LPAR1: variants seen among roughly 807,000 people sequenced by gnomAD.
The protein encoded by LPAR1 is lysophosphatidic acid receptor 1.
Under a neutral mutation model 23.8 loss-of-function variants are expected in LPAR1, and 5 were observed. The observed-to-expected ratio is 0.21, with a 90% confidence interval of 0.11 to 0.44. The LOEUF is 0.44. Ranked by LOEUF, LPAR1 falls within the 20% of genes least tolerant of loss-of-function variation. The pLI is 0.99. For synonymous variants in LPAR1, 160 were observed against 164.7 expected (o/e 0.97, Z 0.22); for missense variants, 311 against 482.8 (o/e 0.64, Z 3.33).
chr9:111,029,977 C>T (rs1026832545), intron 2 of LPAR1, among the ~76,000 whole-genome samples: 6 of 148,668 alleles, frequency 4.0e-5, no homozygotes, highest in Admixed American at 6.9e-5. Flanking sequence ...ATTGCTTGAA[C>T]CCAGGAGGCA....
chr9:110,875,236 A>G lies in LPAR1; in HGVS notation c.*185T>C. On this transcript the variant is annotated 3_prime_UTR_variant, in exon 6 of 6. Transcript: ENST00000683809. ...GGGATCAAGATGAGGGTTGTCACAT[A>G]AGCTAATTTTCAATATATATCAAGT... The G allele has an allele frequency of 5.7e-6, 3 of 522,658 alleles. No homozygotes were observed. Among genetic ancestry groups the G allele is most frequent in the Non-Finnish European group, 1.0e-5 (3 of 298,530 alleles). 32.4% of individuals were successfully genotyped at this position (522,658 alleles called of 1,614,324 possible).
intron 4 of LPAR1, among the ~76,000 whole-genome samples, chr9:110,951,903 A>G (rs1414149236): frequency 6.6e-6 from 1 of 152,178 alleles, no homozygotes; most frequent in Non-Finnish European, 1.5e-5. Context: ...AAAGATATAA[A>G]GCAGTTAAAA....
intron 2 of LPAR1, among the ~76,000 whole-genome samples, chr9:111,017,173 G>GTAT (rs1260522065): frequency 1.3e-5 from 2 of 152,042 alleles, no homozygotes; most frequent in Non-Finnish European, 2.9e-5. Context: ...TCTAATACAT[G>GTAT]AATAGCACCC....
chr9:111,038,792 G>T, upstream of LPAR1: 1 of 314,960 alleles, frequency 3.2e-6, no homozygotes, highest in South Asian at 2.2e-5. This position sits in a 1 kb window ranked among gnomAD's most constrained non-coding sequence, Gnocchi z 4.4. Flanking sequence ...CCCCCGCCCC[G>T]CCCCCGAGTC....
intron 2 of LPAR1, among the ~76,000 whole-genome samples, chr9:110,991,900 C>A (rs1564276713): frequency 6.6e-6 from 1 of 152,028 alleles, no homozygotes; most frequent in South Asian, 2.1e-4. Flanking sequence ...GCCAACAGAA[C>A]CTTTCTGAAA....
At chr9:110,986,644 AAGGGAAGAAAATT>A (rs1322774032) in intron 2 of LPAR1, among the ~76,000 whole-genome samples, 2 of 151,740 alleles carry the variant, frequency 1.3e-5, no homozygotes, top group Admixed American at 6.6e-5. Flanking sequence ...ATATGAAGTG[AAGGGAAGAAAATT>A]AGGGAAGAAA....
chr9:110,895,974 A>G (rs1441941347), intron 5 of LPAR1, among the ~76,000 whole-genome samples: 2 of 152,154 alleles, frequency 1.3e-5, no homozygotes, highest in Non-Finnish European at 2.9e-5. Flanking sequence ...TTCATTTCTT[A>G]GTCAAAAATC....
intron 2 of LPAR1, among the ~76,000 whole-genome samples, chr9:110,983,844 C>G (rs1366904234): frequency 6.6e-6 from 1 of 151,812 alleles, no homozygotes; most frequent in East Asian, 1.9e-4. Context: ...CTCACCCCAA[C>G]AAATAAGATG....
intron 4 of LPAR1, among the ~76,000 whole-genome samples, chr9:110,942,684 A>G (rs1004829080): frequency 2.6e-5 from 4 of 152,158 alleles, no homozygotes; most frequent in African/African-American, 9.7e-5. Context: ...CATTCCAAAC[A>G]TTTCAAACAA....
intron 5 of LPAR1, among the ~76,000 whole-genome samples, chr9:110,919,303 C>T (rs1270454694): frequency 6.6e-6 from 1 of 151,980 alleles, no homozygotes; most frequent in African/African-American, 2.4e-5. Context: ...ATGAATTCTA[C>T]AGTCACAAGG....
intron 4 of LPAR1, among the ~76,000 whole-genome samples, chr9:110,966,941 CAGTG>C (rs1294619440): frequency 3.3e-5 from 5 of 152,162 alleles, no homozygotes; most frequent in African/African-American, 1.2e-4. Flanking sequence ...ATGCTTAACA[CAGTG>C]CTAGAAACAG....
chr9:110,902,470 T>C (rs2089586878), intron 5 of LPAR1, among the ~76,000 whole-genome samples: 1 of 152,172 alleles, frequency 6.6e-6, no homozygotes, highest in Admixed American at 6.5e-5. Flanking sequence ...TCCTGCTGCC[T>C]TGTGAAGAAG....
At chr9:111,023,927 G>C (rs2097622852) in intron 2 of LPAR1, among the ~76,000 whole-genome samples, 1 of 152,112 alleles carries the variant, frequency 6.6e-6, no homozygotes, top group Non-Finnish European at 1.5e-5. Context: ...GAAAGCCACT[G>C]AACTAAATGT....
At chr9:111,004,505 T>C (rs759347231) in intron 2 of LPAR1, among the ~76,000 whole-genome samples, 29 of 152,288 alleles carry the variant, frequency 1.9e-4, no homozygotes, top group Admixed American at 6.5e-4. Context: ...AACCTTAAGA[T>C]CACTGACCTC....
intron 5 of LPAR1, among the ~76,000 whole-genome samples, chr9:110,917,472 C>T (rs945453118): frequency 6.6e-6 from 1 of 152,188 alleles, no homozygotes; most frequent in African/African-American, 2.4e-5. Flanking sequence ...TATTAGAAAG[C>T]CACATGACTG....
At chr9:110,901,752 G>A (rs1332693603) in intron 5 of LPAR1, among the ~76,000 whole-genome samples, 2 of 152,110 alleles carry the variant, frequency 1.3e-5, no homozygotes, top group East Asian at 3.9e-4. Context: ...TTACGAAGTA[G>A]GGGGAAGAGA....
At chr9:110,881,459 TG>T (rs929103796) in intron 5 of LPAR1, among the ~76,000 whole-genome samples, 4 of 152,184 alleles carry the variant, frequency 2.6e-5, no homozygotes, top group African/African-American at 9.7e-5. Context: ...TACTTTCCTG[TG>T]CCCAAGAGAA....
At chr9:110,918,505 G>C (rs974056896) in intron 5 of LPAR1, among the ~76,000 whole-genome samples, 1 of 152,146 alleles carries the variant, frequency 6.6e-6, no homozygotes, top group African/African-American at 2.4e-5. Flanking sequence ...ATTACATCAT[G>C]ATTATGTGTT....
At chr9:111,020,596 C>G (rs1440412970) in intron 2 of LPAR1, among the ~76,000 whole-genome samples, 1 of 152,176 alleles carries the variant, frequency 6.6e-6, no homozygotes, top group African/African-American at 2.4e-5. Context: ...TGCTCTGTGC[C>G]TCTTCCTGGC....
Sources: allele counts gnomAD v4.1 joint callset (sites outside exome capture counted in the v4.1 genomes callset), GRCh38; gene constraint gnomAD v4.1.1; non-coding constraint Gnocchi (gnomAD v3.1); transcripts MANE v1.5; gene names NCBI Gene and HGNC (gene_info 2026-07-23, HGNC 2026-07-21).